The following SLC4A8 variants were observed in gnomAD, a reference collection of about 807,000 sequenced individuals.
SLC4A8 encodes solute carrier family 4 member 8, also known as electroneutral sodium bicarbonate exchanger 1.
Under a neutral mutation model 125.0 loss-of-function variants are expected in SLC4A8, and 40 were observed. The observed-to-expected ratio is 0.32, with a 90% CI of 0.25 to 0.42. The LOEUF (loss-of-function observed/expected upper bound fraction) is 0.42, where lower values mean the gene tolerates loss of function less well. Among genes scored for constraint, SLC4A8 ranks in the 10% least tolerant of loss-of-function variants. The pLI is 1.00. For synonymous variants in SLC4A8, 456 were observed against 476.0 expected (o/e 0.96, Z 0.55); for missense variants, 863 against 1,355.1 (o/e 0.64, Z 5.70).
At chr12:51,451,519 C>G (rs1949971947) in intron 3 of SLC4A8, among the ~76,000 whole-genome samples, 1 of 152,074 alleles carries the variant, frequency 6.6e-6, no homozygotes, top group African/African-American at 2.4e-5. Flanking sequence ...TTTCTAAACT[C>G]TTAATATTTT....
In SLC4A8 at chr12:51,480,250, A is replaced by C. The variant is rs1950985789; in HGVS notation, c.2172+5044A>C. The C allele has an allele frequency of 3.2e-6, 4 of 1,267,956 alleles. No homozygotes were observed. In the South Asian group the frequency reaches 5.1e-5, roughly 16 times the overall value. 78.5% of individuals were successfully genotyped at this position (1,267,956 alleles called of 1,614,324 possible). On this transcript the variant is annotated intron_variant, in intron 16 of 24. Coordinates refer to ENST00000453097, the MANE Select transcript of SLC4A8 (RefSeq NM_001039960.3). Reference sequence around the variant, plus strand: ...CTGGCCAAGTGCTATTCTTTATTTCAGATTGAGAGTTGGGAAAAACTGGAG... The same window carrying C: ...CTGGCCAAGTGCTATTCTTTATTTCCGATTGAGAGTTGGGAAAAACTGGAG...
At chr12:51,404,400 C>T (rs1948450720) in intron 1 of SLC4A8, among the ~76,000 whole-genome samples, 1 of 152,158 alleles carries the variant, frequency 6.6e-6, no homozygotes. Flanking sequence ...AGATGAGGCC[C>T]TCCTCACTCC....
intron 1 of SLC4A8, among the ~76,000 whole-genome samples, chr12:51,409,845 G>A (rs1948562044): frequency 6.6e-6 from 1 of 152,250 alleles, no homozygotes; most frequent in Non-Finnish European, 1.5e-5. Context: ...TTGAAGAAAT[G>A]GCTAGGCTCA....
intron 19 of SLC4A8, among the ~76,000 whole-genome samples, chr12:51,492,850 C>A (rs1250541876): frequency 6.6e-6 from 1 of 151,988 alleles, no homozygotes; most frequent in East Asian, 1.9e-4. Context: ...TGCCCCCCAC[C>A]CCCCAACAGG....
intron 1 of SLC4A8, among the ~76,000 whole-genome samples, chr12:51,431,218 G>T (rs1462270492): frequency 2.6e-5 from 4 of 152,016 alleles, no homozygotes; most frequent in African/African-American, 9.7e-5. Flanking sequence ...TTCACGTTAA[G>T]GATCCTTGTT....
At chr12:51,396,902 T>A (rs1036896060) in intron 1 of SLC4A8, among the ~76,000 whole-genome samples, 4 of 151,688 alleles carry the variant, frequency 2.6e-5, no homozygotes, top group Admixed American at 2.6e-4. Flanking sequence ...GAATTTATTA[T>A]GATTTTACTT....
intron 2 of SLC4A8, among the ~76,000 whole-genome samples, chr12:51,445,001 C>T (rs776204992): frequency 3.3e-5 from 5 of 151,974 alleles, no homozygotes; most frequent in Non-Finnish European, 5.9e-5. Flanking sequence ...TAATCCTTTG[C>T]GGGGTTTGTA....
chr12:51,409,781 C>T (rs1286694113), intron 1 of SLC4A8, among the ~76,000 whole-genome samples: 6 of 152,164 alleles, frequency 3.9e-5, no homozygotes, highest in East Asian at 1.9e-4. Flanking sequence ...TCTGGCTGCT[C>T]GCTGCCTGAG....
intron 5 of SLC4A8, among the ~76,000 whole-genome samples, chr12:51,454,078 C>G (rs1360556390): frequency 2.6e-5 from 4 of 152,192 alleles, no homozygotes; most frequent in Admixed American, 6.5e-5. Flanking sequence ...GGGTGGATAA[C>G]TTGAGCTCAG....
chr12:51,491,387 T>C (rs1951313434), intron 19 of SLC4A8, among the ~76,000 whole-genome samples: 1 of 151,432 alleles, frequency 6.6e-6, no homozygotes, highest in Non-Finnish European at 1.5e-5. Context: ...AGCAACAGAG[T>C]CTCAGAAGGA....
In SLC4A8 at chr12:51,440,873, C is replaced by G. The variant is rs540030070; in HGVS notation, c.130+84C>G. 1.1e-5 allele frequency: 13 copies of G among 1,181,266 alleles called. No individual in the cohort carries two copies. The East Asian group carries it at 3.4e-4, about 31-fold the overall frequency. The allele number at this position is 1,181,266 out of a possible 1,614,324, so 73.2% of individuals were successfully genotyped here. On this transcript the variant is annotated intron_variant, in intron 2 of 24. Transcript: ENST00000453097. ...AGACCTGGCTCTGTGTCCTAACTCT[C>G]TCACTAGCTGTCAGACCTTGGGGAA...
At position 51,469,506 on chromosome 12, in the gene SLC4A8, G is replaced by C. The variant is rs1435664613; in HGVS notation, c.1350-108G>C. The C allele has an allele frequency of 1.6e-5, 15 of 966,802 alleles. No homozygotes were observed. The Admixed American group carries it at 3.8e-4, about 24-fold the overall frequency. 59.9% of individuals were successfully genotyped at this position (966,802 alleles called of 1,614,324 possible). A position where few individuals can be genotyped will look rare whatever the true frequency, so the allele number is the denominator to read the frequency against. On this transcript the variant is annotated intron_variant, in intron 11 of 24. Coordinates refer to ENST00000453097, the MANE Select transcript of SLC4A8 (RefSeq NM_001039960.3). Reference sequence around the variant, plus strand: ...GTACTGGGGTCAAACTGAAGCCAAAGTCTTACCGCTGAACAGAGCACATTT... The same window carrying C: ...GTACTGGGGTCAAACTGAAGCCAAACTCTTACCGCTGAACAGAGCACATTT...
At chr12:51,400,759 T>TAC (rs1948363153) in intron 1 of SLC4A8, among the ~76,000 whole-genome samples, 1 of 6,468 alleles carries the variant, frequency 1.5e-4, no homozygotes, top group Admixed American at 2.3e-3. Context: ...TATATATATA[T>TAC]ATATATATAT....
At chr12:51,396,141 C>G (rs924608590) in intron 1 of SLC4A8, among the ~76,000 whole-genome samples, 4 of 152,158 alleles carry the variant, frequency 2.6e-5, no homozygotes, top group Non-Finnish European at 5.9e-5. Context: ...AGTGCTTAAC[C>G]CAGCATCTGG....
chr12:51,445,998 G>T (rs1251260947), intron 2 of SLC4A8, among the ~76,000 whole-genome samples: 1 of 152,068 alleles, frequency 6.6e-6, no homozygotes. Context: ...GTGCTACAGG[G>T]ATTTCATTAA....
At chr12:51,449,294 T>C (rs193149582) in intron 2 of SLC4A8, among the ~76,000 whole-genome samples, 86 of 152,082 alleles carry the variant, frequency 5.7e-4, no homozygotes, top group African/African-American at 2.0e-3. Context: ...AAAAATTAGC[T>C]GGGCGTGGTG....
Position 51,511,834 on chromosome 12 carries a change from G to A in SLC4A8, c.*4396G>A, listed in dbSNP as rs1486515217. The A allele has an allele frequency of 6.6e-6, 1 of 152,186 alleles. No individual in the cohort carries two copies. Among genetic ancestry groups the A allele is most frequent in the Non-Finnish European group, 1.5e-5 (1 of 68,036 alleles). The allele number at this position is 152,186 out of a possible 1,614,324, so 9.4% of individuals were successfully genotyped here. On this transcript the variant is annotated 3_prime_UTR_variant, in exon 25 of 25. Coordinates refer to ENST00000453097, the MANE Select transcript of SLC4A8 (RefSeq NM_001039960.3). Reference sequence around the variant, plus strand: ...CCAATCAGGGTTTTACGACACCAGGGTATCCCACCTTTTTTGCAACATAGG... The same window carrying A: ...CCAATCAGGGTTTTACGACACCAGGATATCCCACCTTTTTTGCAACATAGG...
rs76017994 is a variant in SLC4A8, at chr12:51,409,043, T to C, written c.-112+17555T>C. ...AGCATATATATATACTTTTTTTTTT[T>C]GAGACAGGATCTCACTCTGTTGCCC... On this transcript the variant is annotated intron_variant, in intron 1 of 24. Coordinates refer to the SLC4A8 transcript ENST00000358657. Among the ~76,000 whole-genome samples the C allele has an allele frequency of 2.1e-5, 3 of 145,490 alleles. No homozygotes were observed. The South Asian group carries it at 6.6e-4, about 32-fold the overall frequency.
chr12:51,424,058 A>AAC (rs1565762182), upstream of SLC4A8, among the ~76,000 whole-genome samples: 2 of 54,078 alleles, frequency 3.7e-5, no homozygotes, highest in African/African-American at 1.1e-4. Context: ...AAAAAACAAA[A>AAC]AAAACAACAA....
Sources: allele counts gnomAD v4.1 joint callset (sites outside exome capture counted in the v4.1 genomes callset), GRCh38; gene constraint gnomAD v4.1.1; transcripts MANE v1.5; gene names NCBI Gene and HGNC (gene_info 2026-07-23, HGNC 2026-07-21).